Variants in WDR7 observed in about 807,000 individuals in gnomAD.
The protein encoded by WDR7 is WD repeat-containing protein 7.
Under a neutral mutation model 169.4 loss-of-function variants are expected in WDR7, and 46 were observed. That is an observed-to-expected ratio of 0.27 (90% CI 0.21 to 0.35). WDR7 has a LOEUF of 0.35. Ranked by LOEUF, WDR7 falls within the 10% of genes least tolerant of loss-of-function variation. WDR7 has a pLI of 1.00. For missense variants in WDR7, 1,534 were observed against 1,859.3 expected, an observed-to-expected ratio of 0.83 and a Z score of 3.22; for synonymous variants, 612 against 666.8, an observed-to-expected ratio of 0.92 and a Z score of 1.27.
chr18:56,903,330 T>A (rs2046429447), intron 21 of WDR7, among the ~76,000 whole-genome samples: 1 of 152,162 alleles, frequency 6.6e-6, no homozygotes, highest in South Asian at 2.1e-4. Context: ...ACTTGTTGTT[T>A]TGAGAGTTGA....
intron 23 of WDR7, 83 bp downstream of exon 23, chr18:56,935,988 A>C: frequency 8.0e-7 from 1 of 1,250,014 alleles, no homozygotes; most frequent in African/African-American, 1.5e-5. Flanking sequence ...ATATCCACAA[A>C]TCCCCTTTAC....
At chr18:56,833,318 T>C (rs746213473) in intron 20 of WDR7, among the ~76,000 whole-genome samples, 2 of 151,928 alleles carry the variant, frequency 1.3e-5, no homozygotes, top group Non-Finnish European at 1.5e-5. Context: ...GAACAAAGCC[T>C]CCAAGAAATA....
At chr18:56,848,068 G>A (rs1208347296) in intron 20 of WDR7, among the ~76,000 whole-genome samples, 2 of 152,214 alleles carry the variant, frequency 1.3e-5, no homozygotes. Flanking sequence ...CCTGAGCCTG[G>A]AAATCCACAG....
At chr18:56,792,834 A>G (rs960932503) in intron 19 of WDR7, among the ~76,000 whole-genome samples, 1 of 152,026 alleles carries the variant, frequency 6.6e-6, no homozygotes, top group Admixed American at 6.6e-5. Context: ...ACAGGGCAGA[A>G]TTAGTAAAGA....
chr18:57,015,324 T>C (rs1599248442), intron 26 of WDR7, among the ~76,000 whole-genome samples: 1 of 152,350 alleles, frequency 6.6e-6, no homozygotes, highest in Admixed American at 6.5e-5. Flanking sequence ...ATCTGTTTTT[T>C]AATGGCGTTA....
Position 56,957,274 on chromosome 18 carries a change from C to T in WDR7, c.4065-5156C>T, listed in dbSNP as rs992406708. 3.3e-5 allele frequency: 5 copies of T among 152,134 alleles called. No homozygotes were observed. The South Asian group carries it at 8.3e-4, about 25-fold the overall frequency. The allele number at this position is 152,134 out of a possible 1,614,324, so 9.4% of individuals were successfully genotyped here. A position where few individuals can be genotyped will look rare whatever the true frequency, so the allele number is the denominator to read the frequency against. Reference sequence around the variant, plus strand: ...TTTGTATTAAAGGTTAGAAAATAGACGATACTTTCAAGGATCATTTCTATA... The same window carrying T: ...TTTGTATTAAAGGTTAGAAAATAGATGATACTTTCAAGGATCATTTCTATA... On this transcript the variant is annotated intron_variant, in intron 25 of 27. Coordinates refer to ENST00000254442, the MANE Select transcript of WDR7 (RefSeq NM_015285.3).
chr18:56,705,667 G>A (rs547194900), intron 12 of WDR7, among the ~76,000 whole-genome samples: 6 of 152,168 alleles, frequency 3.9e-5, no homozygotes, highest in South Asian at 4.2e-4. Flanking sequence ...GGATTTAGGC[G>A]GATCCTGGCA....
intron 16 of WDR7, among the ~76,000 whole-genome samples, chr18:56,767,469 G>A (rs1568183422): frequency 6.6e-6 from 1 of 152,276 alleles, no homozygotes; most frequent in African/African-American, 2.4e-5. Flanking sequence ...CAATAAGCTG[G>A]GGTAATCATA....
intron 19 of WDR7, among the ~76,000 whole-genome samples, chr18:56,787,777 G>A (rs1322412679): frequency 6.6e-6 from 1 of 152,222 alleles, no homozygotes; most frequent in Non-Finnish European, 1.5e-5. Flanking sequence ...GAGCACAAAT[G>A]TGGATGGACC....
chr18:57,006,018 T>C (rs1335463514), intron 26 of WDR7, among the ~76,000 whole-genome samples: 3 of 152,230 alleles, frequency 2.0e-5, no homozygotes, highest in African/African-American at 7.2e-5. Context: ...GTGTCCAAAC[T>C]ACCTTCTCAT....
intron 14 of WDR7, among the ~76,000 whole-genome samples, chr18:56,741,156 A>G (rs2043615645): frequency 6.6e-6 from 1 of 152,168 alleles, no homozygotes; most frequent in Admixed American, 6.5e-5. Flanking sequence ...TTTTAAAAAT[A>G]TTATTAAGAA....
intron 26 of WDR7, among the ~76,000 whole-genome samples, chr18:56,977,384 T>G (rs2047583367): frequency 6.6e-6 from 1 of 152,176 alleles, no homozygotes; most frequent in Admixed American, 6.5e-5. Context: ...GGATAAGCCT[T>G]GGAAGATTCG....
intron 26 of WDR7, among the ~76,000 whole-genome samples, chr18:56,993,565 C>T (rs1012298675): frequency 4.6e-5 from 7 of 152,122 alleles, no homozygotes; most frequent in African/African-American, 1.7e-4. Context: ...AAAAGAAATG[C>T]AGAAATGTAT....
intron 26 of WDR7, among the ~76,000 whole-genome samples, chr18:57,013,836 A>C (rs2048171269): frequency 6.6e-6 from 1 of 152,372 alleles, no homozygotes. Context: ...GGAGCACTGC[A>C]GATGCAGCCA....
At position 57,010,080 on chromosome 18, in the gene WDR7, A is replaced by G. The variant is rs17090470; in HGVS notation, c.4165-10665A>G. On this transcript the variant is annotated intron_variant, in intron 26 of 27. Transcript: ENST00000254442. ...CCTGAAATGTCTAGAAAGGGTGGAGATAATCAAGACCATTCATGCTGCTGA... is the reference window on the plus strand; with the variant it reads ...CCTGAAATGTCTAGAAAGGGTGGAGGTAATCAAGACCATTCATGCTGCTGA... 4.1e-6 allele frequency: 4 copies of G among 985,380 alleles called. No homozygotes were observed. The African/African-American group carries it at 7.0e-5, about 17-fold the overall frequency. 61.0% of individuals were successfully genotyped at this position (985,380 alleles called of 1,614,324 possible).
chr18:56,930,047 A>C (rs1284138335), intron 22 of WDR7, among the ~76,000 whole-genome samples: 1 of 152,202 alleles, frequency 6.6e-6, no homozygotes, highest in Admixed American at 6.5e-5. Flanking sequence ...ACAGTGGAGC[A>C]GTGCCGGCCC....
rs117165919 is a variant in WDR7 at position 56,887,842 on chromosome 18, C to T, written c.3526+7677C>T. 4.5e-3 allele frequency among the ~76,000 whole-genome samples: 692 copies of T among 152,190 alleles called. 2 individuals are homozygous for T. The highest frequency in any genetic ancestry group is 9.8e-3 in the Admixed American group (149 of 15,278). On this transcript the variant is annotated intron_variant, in intron 21 of 27. Transcript: ENST00000254442. ...GATGTCTAAATGACCCTCTGTCTTA[C>T]GTGTACTCTTTTTGATCAGTCATGT...
At position 56,800,110 on chromosome 18, in the gene WDR7, T is replaced by C. The variant is rs552254627; in HGVS notation, c.3191-15921T>C. 5.3e-5 allele frequency among the ~76,000 whole-genome samples: 8 copies of C among 152,306 alleles called. No homozygotes were observed. The East Asian group carries it at 9.6e-4, about 18-fold the overall frequency. On this transcript the variant is annotated intron_variant, in intron 19 of 27. Transcript: ENST00000254442. The stretch of plus-strand genomic sequence containing the variant: ...ACACTGTCGTATCTCTGTGGTCTTC[T>C]TACTGTCTGGCTCATTTTTCATTCT...
At chr18:56,759,182 T>C (rs894053686) in intron 16 of WDR7, among the ~76,000 whole-genome samples, 1 of 152,192 alleles carries the variant, frequency 6.6e-6, no homozygotes, top group African/African-American at 2.4e-5. Context: ...TTATACTGTC[T>C]TTGGACTAAT....
Sources: allele counts gnomAD v4.1 joint callset (sites outside exome capture counted in the v4.1 genomes callset), GRCh38; gene constraint gnomAD v4.1.1; transcripts MANE v1.5; gene names NCBI Gene and HGNC (gene_info 2026-07-23, HGNC 2026-07-21).